Variants in ERCC8 observed in about 807,000 individuals in gnomAD.
The protein encoded by ERCC8 is ERCC excision repair 8, CSA ubiquitin ligase complex subunit.
ERCC8 carries 52 observed loss-of-function variants against 54.9 expected under a neutral mutation model. That is an observed-to-expected ratio of 0.95 (90% CI 0.76 to 1.19). The LOEUF (loss-of-function observed/expected upper bound fraction) is 1.19. ERCC8 is among the 50% of genes most tolerant of loss of function. ERCC8 has a pLI of 0.00. For missense variants in ERCC8, 514 were observed against 466.1 expected, an observed-to-expected ratio of 1.10 and a Z score of -0.95; for synonymous variants, 146 against 157.2, an observed-to-expected ratio of 0.93 and a Z score of 0.53.
intron 11 of ERCC8, among the ~76,000 whole-genome samples, chr5:60,879,809 C>G (rs1490049878): frequency 6.6e-6 from 1 of 152,206 alleles, no homozygotes; most frequent in East Asian, 1.9e-4. Context: ...TGGGTCTTGA[C>G]TCTTTATCCA....
chr5:60,936,645 G>A (rs1750075089), intron 1 of ERCC8, among the ~76,000 whole-genome samples: 1 of 152,014 alleles, frequency 6.6e-6, no homozygotes, highest in Admixed American at 6.5e-5. Context: ...GACTTCCTGA[G>A]GTATGCATTT....
At position 60,867,952 on chromosome 5, in the gene ERCC8, G is replaced by A. The variant is rs1232507572; in HGVS notation, c.*6663C>T. Among the ~76,000 whole-genome samples, 2 of 152,154 alleles carry A rather than the reference G, an allele frequency of 1.3e-5. No homozygotes were observed. Among genetic ancestry groups the A allele is most frequent in the Non-Finnish European group, 1.5e-5 (1 of 68,028 alleles). On this transcript the variant is annotated 3_prime_UTR_variant, in exon 12 of 12. Transcript: ENST00000676185. ...TCCCTGCACTTTGGGAGGTCAAGGCGGGCAGATCACCTGAGGTCAGGAGTT... is the reference window on the plus strand; with the variant it reads ...TCCCTGCACTTTGGGAGGTCAAGGCAGGCAGATCACCTGAGGTCAGGAGTT...
At chr5:60,917,226 A>G (rs1052101032) in intron 4 of ERCC8, among the ~76,000 whole-genome samples, 10 of 151,998 alleles carry the variant, frequency 6.6e-5, no homozygotes, top group African/African-American at 1.9e-4. Flanking sequence ...TCTTGGCTCA[A>G]TGTAATTGTA....
At chr5:60,909,586 G>A (rs533037295) in intron 4 of ERCC8, 4 of 155,436 alleles carry the variant, frequency 2.6e-5, no homozygotes, top group African/African-American at 7.2e-5. Context: ...CACTGACTTA[G>A]TAGTAAATAT....
At chr5:60,914,520 G>A (rs368908498) in intron 4 of ERCC8, among the ~76,000 whole-genome samples, 3 of 152,018 alleles carry the variant, frequency 2.0e-5, no homozygotes, top group African/African-American at 7.2e-5. Context: ...GATGGGCACA[G>A]TGGCTCATGC....
intron 3 of ERCC8, among the ~76,000 whole-genome samples, chr5:60,920,392 T>C (rs1161485408): frequency 6.6e-6 from 1 of 151,988 alleles, no homozygotes; most frequent in Non-Finnish European, 1.5e-5. Flanking sequence ...AGCTCACTTA[T>C]ATTTTAAGTT....
intron 1 of ERCC8, among the ~76,000 whole-genome samples, chr5:60,938,048 C>T (rs2694519): frequency 0.12 from 2,699 of 22,192 alleles, 36 homozygotes; most frequent in Non-Finnish European, 0.18. Context: ...TACATACATA[C>T]ATATATATAT....
intron 2 of ERCC8, among the ~76,000 whole-genome samples, chr5:60,928,239 C>T (rs1014349733): frequency 2.6e-5 from 4 of 152,118 alleles, no homozygotes; most frequent in Non-Finnish European, 5.9e-5. Context: ...AGAGACTGGG[C>T]TGAAAGGAGT....
chr5:60,911,807 T>C (rs910233358), intron 4 of ERCC8, among the ~76,000 whole-genome samples: 16 of 152,120 alleles, frequency 1.1e-4, no homozygotes, highest in Non-Finnish European at 1.5e-4. Context: ...GCTTTCTACA[T>C]ATGGCTAGCC....
Position 60,893,653 on chromosome 5 carries a change from G to C in ERCC8, c.844-2567C>G, listed in dbSNP as rs189947183. ...TACTTCCGGCGGGGATCTGAGAAGA[G>C]AGAGTAACAGACGCTCTTGTGCTGC... On this transcript the variant is annotated intron_variant, in intron 9 of 11. Transcript: ENST00000676185. The C allele has an allele frequency of 8.9e-4, 491 of 554,570 alleles. 5 individuals carry two copies. In the Admixed American group the frequency reaches 0.014, roughly 16 times the overall value. The allele number at this position is 554,570 out of a possible 1,614,324, so 34.4% of individuals were successfully genotyped here.
At position 60,925,009 on chromosome 5, in the gene ERCC8, G is replaced by C. The variant is rs571429651; in HGVS notation, c.174-2854C>G. On this transcript the variant is annotated intron_variant, in intron 2 of 11. Coordinates refer to ENST00000676185, the MANE Select transcript of ERCC8 (RefSeq NM_000082.4). ...TCTGTTTTATAGATACTTCTTTCCG[G>C]TGTGACTTCACTATCTGTAGCAGCT... is the stretch of plus-strand genomic sequence containing the variant. 9.9e-5 allele frequency among the ~76,000 whole-genome samples: 15 copies of C among 152,036 alleles called. No individual in the cohort carries two copies. In the South Asian group the frequency reaches 3.1e-3, roughly 32 times the overall value.
At position 60,887,426 on chromosome 5, in the gene ERCC8, A is replaced by T. The variant is rs777300347; in HGVS notation, c.1122+14T>A. 1.3e-6 allele frequency: 2 copies of T among 1,590,622 alleles called. No homozygotes were observed. Among genetic ancestry groups the T allele is most frequent in the South Asian group, 2.2e-5 (2 of 90,512 alleles). ...TTTAGAAGTCACTGTACCATTTGTG[A>T]AAATAATATTTACCTCATCATCATC... On this transcript the variant is annotated intron_variant, in intron 11 of 11. Coordinates refer to ENST00000676185, the MANE Select transcript of ERCC8 (RefSeq NM_000082.4).
At chr5:60,910,595 A>G (rs1166420625) in intron 4 of ERCC8, among the ~76,000 whole-genome samples, 2 of 152,164 alleles carry the variant, frequency 1.3e-5, no homozygotes, top group African/African-American at 4.8e-5. Flanking sequence ...ATAGTCTTGT[A>G]TATTTTTCAT....
intron 4 of ERCC8, among the ~76,000 whole-genome samples, chr5:60,912,838 T>A (rs1224914661): frequency 6.6e-6 from 1 of 152,156 alleles, no homozygotes; most frequent in Non-Finnish European, 1.5e-5. Context: ...TTTCTGCATC[T>A]ATTGAGATAA....
At position 60,918,264 on chromosome 5, in the gene ERCC8, C is replaced by G. The variant is rs774047625; in HGVS notation, c.399+1G>C. The G allele has an allele frequency of 6.3e-7, 1 of 1,592,350 alleles. No individual in the cohort carries two copies. Among genetic ancestry groups the G allele is most frequent in the Non-Finnish European group, 8.6e-7 (1 of 1,161,222 alleles). ...ATCTGCAAATGTTTTAATGTACTTACTTGTAATGTATTTGTATCCCATACT... is the reference window on the plus strand; with the variant it reads ...ATCTGCAAATGTTTTAATGTACTTAGTTGTAATGTATTTGTATCCCATACT... On this transcript the variant is annotated splice_donor_variant, in intron 4 of 11. Coordinates refer to ENST00000676185, the MANE Select transcript of ERCC8 (RefSeq NM_000082.4). LOFTEE classifies it high-confidence loss of function.
In ERCC8 at chr5:60,902,906, T is replaced by G. The variant is rs1339181718; in HGVS notation, c.551-398A>C. Reference sequence around the variant, plus strand: ...AGTTATAAGAGAAACCTACTTTAACTCATGCTTGTAGAAAAGCATTTATAT... The same window carrying G: ...AGTTATAAGAGAAACCTACTTTAACGCATGCTTGTAGAAAAGCATTTATAT... On this transcript the variant is annotated intron_variant, in intron 6 of 11. Transcript: ENST00000676185. Among the ~76,000 whole-genome samples, 8 of 152,140 alleles carry G rather than the reference T, an allele frequency of 5.3e-5. No homozygotes were observed. The East Asian group carries it at 1.5e-3, about 29-fold the overall frequency.
intron 11 of ERCC8, 136 bp downstream of exon 11, chr5:60,887,304 A>G (rs1027737910): frequency 4.1e-6 from 3 of 739,008 alleles, no homozygotes; most frequent in Non-Finnish European, 7.2e-6. Context: ...ATCTTGCCTC[A>G]GTCTCCCAGG....
chr5:60,902,578 T>C (rs1195858751), intron 6 of ERCC8, 70 bp from the exon 7 acceptor site: 1 of 1,352,088 alleles, frequency 7.4e-7, no homozygotes, highest in Non-Finnish European at 1.1e-6. Context: ...GCCAATAATT[T>C]TGCCTGATTC....
At chr5:60,879,746 A>G (rs1343475134) in intron 11 of ERCC8, among the ~76,000 whole-genome samples, 4 of 151,918 alleles carry the variant, frequency 2.6e-5, no homozygotes. Context: ...CTTTATTTTC[A>G]GCCTATGTGT....
Sources: allele counts gnomAD v4.1 joint callset (sites outside exome capture counted in the v4.1 genomes callset), GRCh38; gene constraint gnomAD v4.1.1; transcripts MANE v1.5; gene names NCBI Gene and HGNC (gene_info 2026-07-23, HGNC 2026-07-21).